The following CAMK4 variants were observed in gnomAD, a reference collection of about 807,000 sequenced individuals.
The protein encoded by CAMK4 is calcium/calmodulin-dependent protein kinase type IV.
CAMK4 carries 22 observed loss-of-function variants against 44.9 expected under a neutral mutation model. The ratio of observed to expected loss-of-function variants is 0.49; its 90% CI spans 0.35 to 0.70. CAMK4 has a LOEUF of 0.70. Among genes scored for constraint, CAMK4 ranks in the 30% least tolerant of loss-of-function variants. The pLI is 0.01. For synonymous variants in CAMK4, 218 were observed against 215.4 expected (o/e 1.01, Z -0.11); for missense variants, 498 against 586.8 (o/e 0.85, Z 1.56).
chr5:111,411,796 A>T (rs1752641701), intron 5 of CAMK4, among the ~76,000 whole-genome samples: 1 of 152,254 alleles, frequency 6.6e-6, no homozygotes, highest in African/African-American at 2.4e-5. Flanking sequence ...AGGAATAAAA[A>T]ATATGAACTT....
At chr5:111,412,055 T>C (rs1055918838) in intron 5 of CAMK4, among the ~76,000 whole-genome samples, 2 of 152,108 alleles carry the variant, frequency 1.3e-5, no homozygotes, top group African/African-American at 4.8e-5. Flanking sequence ...AAGCATAATA[T>C]AATAATAAAA....
At chr5:111,480,488 G>A (rs908337574) in intron 9 of CAMK4, among the ~76,000 whole-genome samples, 1 of 151,990 alleles carries the variant, frequency 6.6e-6, no homozygotes, top group Admixed American at 6.6e-5. Context: ...TTAAGCTCTG[G>A]GGCAGGACAA....
chr5:111,293,801 C>T (rs1180154334), intron 1 of CAMK4, among the ~76,000 whole-genome samples: 1 of 136,086 alleles, frequency 7.3e-6, no homozygotes, highest in African/African-American at 2.9e-5. Context: ...GGCTGGAGTG[C>T]ATTGGCACGA....
At chr5:111,374,776 T>A (rs1243934088) in intron 2 of CAMK4, 74 bp from the exon 3 acceptor site, 6 of 895,108 alleles carry the variant, frequency 6.7e-6, no homozygotes, top group Middle Eastern at 2.2e-4. Flanking sequence ...CAGGTAGTTA[T>A]TGCTGTTTCT....
At chr5:111,411,722 C>T (rs1752639124) in intron 5 of CAMK4, among the ~76,000 whole-genome samples, 1 of 152,208 alleles carries the variant, frequency 6.6e-6, no homozygotes, top group Admixed American at 6.5e-5. Context: ...GAAGAATCCA[C>T]TTCTGTTTTC....
intron 3 of CAMK4, among the ~76,000 whole-genome samples, chr5:111,376,231 G>A (rs879504101): frequency 6.6e-6 from 1 of 151,700 alleles, no homozygotes; most frequent in Admixed American, 6.6e-5. Context: ...GTGTAGACTA[G>A]TCCTGGCTAC....
chr5:111,335,638 A>T (rs1749369902), intron 1 of CAMK4, among the ~76,000 whole-genome samples: 1 of 151,328 alleles, frequency 6.6e-6, no homozygotes, highest in East Asian at 2.0e-4. Context: ...CGTAGTCCTA[A>T]ATGTGGTAGC....
At chr5:111,298,295 A>T (rs151001341) in intron 1 of CAMK4, among the ~76,000 whole-genome samples, 1 of 152,256 alleles carries the variant, frequency 6.6e-6, no homozygotes, top group Non-Finnish European at 1.5e-5. Flanking sequence ...CAATAAAAAC[A>T]ATATGCTTTT....
intron 1 of CAMK4, among the ~76,000 whole-genome samples, chr5:111,326,022 C>G (rs1013854549): frequency 1.3e-5 from 2 of 151,750 alleles, no homozygotes; most frequent in Admixed American, 6.6e-5. Flanking sequence ...CAATTAATGA[C>G]CTACATTTCT....
At chr5:111,257,925 T>G (rs1580490216) in intron 1 of CAMK4, among the ~76,000 whole-genome samples, 1 of 152,072 alleles carries the variant, frequency 6.6e-6, no homozygotes, top group Admixed American at 6.5e-5. Context: ...ACGTTCTCAC[T>G]CATGTGGGAG....
intron 2 of CAMK4, among the ~76,000 whole-genome samples, chr5:111,357,045 T>A (rs1233464204): frequency 6.6e-6 from 1 of 152,086 alleles, no homozygotes; most frequent in Non-Finnish European, 1.5e-5. Context: ...TGGTATGCCA[T>A]CCACTCAAAT....
chr5:111,416,730 C>T (rs1752828683), intron 5 of CAMK4, among the ~76,000 whole-genome samples: 1 of 152,156 alleles, frequency 6.6e-6, no homozygotes, highest in South Asian at 2.1e-4. Flanking sequence ...AAACCATTAA[C>T]TACTGCTATA....
chr5:111,336,928 T>G (rs1402795118), intron 1 of CAMK4, among the ~76,000 whole-genome samples: 2 of 151,228 alleles, frequency 1.3e-5, no homozygotes, highest in Non-Finnish European at 3.0e-5. Flanking sequence ...TTTTAAACAA[T>G]ATAGTTCTTT....
At chr5:111,272,785 C>T (rs1750571355) in intron 1 of CAMK4, among the ~76,000 whole-genome samples, 1 of 152,158 alleles carries the variant, frequency 6.6e-6, no homozygotes, top group Admixed American at 6.5e-5. Flanking sequence ...TTGTACATCA[C>T]TTCTCTGTAT....
intron 2 of CAMK4, among the ~76,000 whole-genome samples, chr5:111,352,228 A>G (rs967066343): frequency 1.3e-5 from 2 of 152,130 alleles, no homozygotes; most frequent in African/African-American, 4.8e-5. Context: ...AATTAAGAAA[A>G]GCACCAAAGC....
chr5:111,311,793 T>C (rs1266214766), intron 1 of CAMK4, among the ~76,000 whole-genome samples: 1 of 152,206 alleles, frequency 6.6e-6, no homozygotes, highest in Admixed American at 6.5e-5. Flanking sequence ...CTGTGTTTGC[T>C]GTCATCTTTG....
chr5:111,293,562 G>T (rs1449819239), intron 1 of CAMK4, among the ~76,000 whole-genome samples: 4 of 151,292 alleles, frequency 2.6e-5, no homozygotes, highest in Non-Finnish European at 5.9e-5. Flanking sequence ...GAGTAGCTGG[G>T]ATTACAAGCA....
chr5:111,457,147 T>G (rs1220477375), intron 7 of CAMK4, among the ~76,000 whole-genome samples: 1 of 152,180 alleles, frequency 6.6e-6, no homozygotes, highest in Non-Finnish European at 1.5e-5. Context: ...TTTCTGAAAT[T>G]TTTACAACCA....
chr5:111,457,782 C>T (rs1156407792), intron 7 of CAMK4, among the ~76,000 whole-genome samples: 1 of 152,036 alleles, frequency 6.6e-6, no homozygotes, highest in Non-Finnish European at 1.5e-5. Context: ...TGTTCATTTC[C>T]AGAAGAATAA....
Sources: gnomAD v4.1 joint callset for allele counts (sites outside exome capture counted in the v4.1 genomes callset) on GRCh38, gnomAD v4.1.1 for gene constraint, MANE v1.5 for transcripts, NCBI Gene and HGNC (gene_info 2026-07-23, HGNC 2026-07-21) for gene names.